LDB2: variants seen among roughly 807,000 people sequenced by gnomAD.
LDB2 encodes the protein LIM domain binding 2.
LDB2 carries 12 observed loss-of-function variants against 44.3 expected under a neutral mutation model. The ratio of observed to expected loss-of-function variants is 0.27; its 90% CI spans 0.17 to 0.44. LDB2 has a LOEUF of 0.44. Among genes scored for constraint, LDB2 ranks in the 20% least tolerant of loss-of-function variants. The probability of loss-of-function intolerance (pLI) is 1.00; values close to 1 mark genes in which losing one functional copy is unlikely to be tolerated. For synonymous variants in LDB2, 164 were observed against 174.8 expected, an observed-to-expected ratio of 0.94 and a Z score of 0.49; for missense variants, 344 against 473.5, an observed-to-expected ratio of 0.73 and a Z score of 2.54.
At chr4:16,876,699 T>G (rs1213959443) in intron 1 of LDB2, among the ~76,000 whole-genome samples, 1 of 152,090 alleles carries the variant, frequency 6.6e-6, no homozygotes, top group Non-Finnish European at 1.5e-5. Flanking sequence ...CATAGCTAAT[T>G]CTACCACAAA....
At chr4:16,715,744 G>A (rs760579768) in intron 2 of LDB2, among the ~76,000 whole-genome samples, 1 of 152,046 alleles carries the variant, frequency 6.6e-6, no homozygotes, top group Admixed American at 6.6e-5. Flanking sequence ...CATACTAAGA[G>A]GATCTCCTCA....
intron 1 of LDB2, among the ~76,000 whole-genome samples, chr4:16,761,906 G>A (rs1302924611): frequency 6.6e-6 from 1 of 152,134 alleles, no homozygotes; most frequent in Non-Finnish European, 1.5e-5. Context: ...ACTTTGGGAG[G>A]CCTAGGTGGA....
chr4:16,618,407 C>T (rs1478721398), intron 2 of LDB2, among the ~76,000 whole-genome samples: 1 of 152,162 alleles, frequency 6.6e-6, no homozygotes, highest in East Asian at 1.9e-4. Flanking sequence ...CATTCATGCT[C>T]ATAGGACTTG....
chr4:16,535,832 T>A (rs560827266), intron 5 of LDB2, among the ~76,000 whole-genome samples: 2 of 152,330 alleles, frequency 1.3e-5, no homozygotes, highest in Admixed American at 1.3e-4. Flanking sequence ...TACCGATGTG[T>A]AGAAAGCTTA....
At chr4:16,815,238 G>A (rs1021789041) in intron 1 of LDB2, among the ~76,000 whole-genome samples, 1 of 152,198 alleles carries the variant, frequency 6.6e-6, no homozygotes, top group Non-Finnish European at 1.5e-5. Flanking sequence ...TAATAATACT[G>A]TGTTGATCAC....
At chr4:16,626,472 T>A (rs368677403) in intron 2 of LDB2, among the ~76,000 whole-genome samples, 139 of 152,320 alleles carry the variant, frequency 9.1e-4, no homozygotes, top group African/African-American at 2.9e-3. Flanking sequence ...CCAGCATATG[T>A]CAACAACTTT....
chr4:16,624,835 A>G (rs1729853941), intron 2 of LDB2, among the ~76,000 whole-genome samples: 1 of 152,360 alleles, frequency 6.6e-6, no homozygotes, highest in East Asian at 1.9e-4. Context: ...AGTACAATTT[A>G]CTGTATTTAA....
intron 2 of LDB2, among the ~76,000 whole-genome samples, chr4:16,723,293 G>A (rs997208449): frequency 6.6e-6 from 1 of 152,198 alleles, no homozygotes; most frequent in Non-Finnish European, 1.5e-5. Flanking sequence ...GGAAGTCCAA[G>A]GACATGGTGC....
chr4:16,672,742 A>G (rs559669456), intron 2 of LDB2, among the ~76,000 whole-genome samples: 6 of 152,146 alleles, frequency 3.9e-5, no homozygotes, highest in Non-Finnish European at 8.8e-5. Context: ...ATCACAAACA[A>G]TAGCAATCCT....
intron 6 of LDB2, among the ~76,000 whole-genome samples, chr4:16,511,329 C>T (rs1418845802): frequency 2.0e-5 from 3 of 151,934 alleles, no homozygotes; most frequent in Admixed American, 6.6e-5. Context: ...TGACTTGAAT[C>T]GGTGATTTCA....
chr4:16,814,841 A>G (rs1309402689), intron 1 of LDB2, among the ~76,000 whole-genome samples: 1 of 152,252 alleles, frequency 6.6e-6, no homozygotes, highest in Non-Finnish European at 1.5e-5. Context: ...TTGGAGAAAC[A>G]ACAAAACTTC....
At chr4:16,838,230 C>T (rs1028057739) in intron 1 of LDB2, among the ~76,000 whole-genome samples, 47 of 152,254 alleles carry the variant, frequency 3.1e-4, no homozygotes, top group African/African-American at 1.1e-3. Flanking sequence ...CATTCCAGGT[C>T]CTACGCTAGG....
intron 2 of LDB2, among the ~76,000 whole-genome samples, chr4:16,751,968 T>C (rs533474378): frequency 6.6e-6 from 1 of 152,262 alleles, no homozygotes; most frequent in East Asian, 1.9e-4. Context: ...ACCTCATCTT[T>C]AAAATAAAAA....
chr4:16,871,801 T>C (rs1443088512), intron 1 of LDB2, among the ~76,000 whole-genome samples: 2 of 151,978 alleles, frequency 1.3e-5, no homozygotes, highest in Non-Finnish European at 2.9e-5. Flanking sequence ...TTGTATTTTT[T>C]AGTAGAGAAG....
At chr4:16,504,493 C>T (rs898483255) in intron 7 of LDB2, among the ~76,000 whole-genome samples, 1 of 152,178 alleles carries the variant, frequency 6.6e-6, no homozygotes, top group African/African-American at 2.4e-5. Flanking sequence ...GCTTGGTAAA[C>T]CCAGCAATAA....
rs1482446593 is a variant in LDB2, at chr4:16,559,565, G to A, written c.615+26357C>T. On this transcript the variant is annotated intron_variant, in intron 5 of 7. Coordinates refer to ENST00000304523, the MANE Select transcript of LDB2 (RefSeq NM_001290.5). ...ATACAGGAGCACCCAGATTCATAGA[G>A]CAAGTCCTTAGTGACCTACAAAGAG... 3.3e-5 allele frequency among the ~76,000 whole-genome samples: 5 copies of A among 152,238 alleles called. No homozygotes were observed. In the East Asian group the frequency reaches 7.7e-4, roughly 23 times the overall value.
Position 16,898,575 on chromosome 4 carries a change from A to ACGC in LDB2, c.-93_-91dup. 1 of 1,311,316 alleles carries ACGC rather than the reference A, an allele frequency of 7.6e-7. No individual in the cohort carries two copies. The highest frequency in any genetic ancestry group is 1.5e-5 in the African/African-American group (1 of 68,794). 81.2% of individuals were successfully genotyped at this position (1,311,316 alleles called of 1,614,324 possible). On this transcript the variant is annotated 5_prime_UTR_variant, in exon 1 of 8. Coordinates refer to ENST00000304523, the MANE Select transcript of LDB2 (RefSeq NM_001290.5). ...CTGTGTTCTTCCCAGTACAAAGTAG[A>ACGC]CGCACGCACACACGCTCACACACAC...
At chr4:16,601,685 G>T (rs1274403314) in intron 2 of LDB2, among the ~76,000 whole-genome samples, 1 of 152,094 alleles carries the variant, frequency 6.6e-6, no homozygotes, top group Non-Finnish European at 1.5e-5. Flanking sequence ...GTAGTTTTAT[G>T]TGGTTCTGCT....
intron 1 of LDB2, among the ~76,000 whole-genome samples, chr4:16,860,835 C>T (rs1712289623): frequency 6.6e-6 from 1 of 152,164 alleles, no homozygotes; most frequent in Non-Finnish European, 1.5e-5. Context: ...GTGACCTTGG[C>T]TACACTGTAA....
Sources: allele counts gnomAD v4.1 joint callset (sites outside exome capture counted in the v4.1 genomes callset), GRCh38; gene constraint gnomAD v4.1.1; transcripts MANE v1.5; gene names NCBI Gene and HGNC (gene_info 2026-07-23, HGNC 2026-07-21).